WWOX: variants seen among roughly 807,000 people sequenced by gnomAD.
WWOX encodes WW domain containing oxidoreductase.
WWOX carries 69 observed loss-of-function variants against 46.2 expected under a neutral mutation model. The ratio of observed to expected loss-of-function variants is 1.49; its 90% confidence interval spans 1.23 to 1.82. The LOEUF is 1.82. Ranked by LOEUF, WWOX falls within the 40% of genes most tolerant of loss-of-function variation. WWOX has a pLI of 0.00. For synonymous variants in WWOX, 359 were observed against 202.6 expected (o/e 1.77, Z -6.56); for missense variants, 919 against 542.6 (o/e 1.69, Z -6.89).
intron 8 of WWOX, among the ~76,000 whole-genome samples, chr16:78,550,533 T>C (rs1016598284): frequency 3.3e-5 from 5 of 152,334 alleles, no homozygotes; most frequent in Middle Eastern, 3.4e-3. Context: ...TCAAAAATCA[T>C]TTTCTTTTTT....
intron 8 of WWOX, among the ~76,000 whole-genome samples, chr16:78,907,692 G>C (rs2045001950): frequency 6.6e-6 from 1 of 152,180 alleles, no homozygotes; most frequent in Non-Finnish European, 1.5e-5. Context: ...CTGCTATTTA[G>C]CAAAGACAGT....
At chr16:78,882,511 C>G (rs960692842) in intron 8 of WWOX, among the ~76,000 whole-genome samples, 4 of 149,972 alleles carry the variant, frequency 2.7e-5, no homozygotes, top group South Asian at 2.1e-4. Flanking sequence ...GGGTCTCACT[C>G]TGTCACCCAG....
intron 8 of WWOX, among the ~76,000 whole-genome samples, chr16:78,622,120 G>C (rs914165501): frequency 6.6e-6 from 1 of 152,118 alleles, no homozygotes; most frequent in Non-Finnish European, 1.5e-5. Flanking sequence ...GATAATTTTA[G>C]TAAAACCTTG....
At chr16:78,540,625 C>T (rs1038367298) in intron 8 of WWOX, among the ~76,000 whole-genome samples, 1 of 151,992 alleles carries the variant, frequency 6.6e-6, no homozygotes, top group African/African-American at 2.4e-5. Context: ...GGCTTGTTAG[C>T]TCCTACCTGA....
At chr16:78,746,141 A>G (rs2049342582) in intron 8 of WWOX, among the ~76,000 whole-genome samples, 1 of 152,192 alleles carries the variant, frequency 6.6e-6, no homozygotes, top group Non-Finnish European at 1.5e-5. Flanking sequence ...TGATATGATG[A>G]ACCATGGGTG....
At chr16:78,912,093 C>G (rs1188413385) in intron 8 of WWOX, among the ~76,000 whole-genome samples, 2 of 151,120 alleles carry the variant, frequency 1.3e-5, no homozygotes, top group African/African-American at 4.9e-5. Context: ...TTTCTTTGGA[C>G]AGGTTTTCCA....
intron 8 of WWOX, among the ~76,000 whole-genome samples, chr16:78,789,948 T>A (rs1322837639): frequency 6.6e-6 from 1 of 152,208 alleles, no homozygotes; most frequent in East Asian, 1.9e-4. Context: ...TTGGACAAGT[T>A]ACTTCACCTC....
Position 78,312,099 on chromosome 16 carries a change from C to T in WWOX, c.517-74761C>T, listed in dbSNP as rs4073182. The stretch of plus-strand genomic sequence containing the variant: ...CATGTCTCTGGTTCTTTGTCTTTTG[C>T]CTCCTCCTCTTACTTTTAAGGACCC... On this transcript the variant is annotated intron_variant, in intron 5 of 8. Transcript: ENST00000566780. Among the ~76,000 whole-genome samples, 761 of 152,230 alleles carry T rather than the reference C, an allele frequency of 5.0e-3. 11 individuals are homozygous for T. The highest frequency in any genetic ancestry group is 0.018 in the African/African-American group (729 of 41,526).
At chr16:78,131,986 T>C (rs2033613902) in intron 4 of WWOX, among the ~76,000 whole-genome samples, 1 of 151,188 alleles carries the variant, frequency 6.6e-6, no homozygotes, top group Non-Finnish European at 1.5e-5. Flanking sequence ...TCATTAAGTC[T>C]TACTACTAGT....
intron 8 of WWOX, among the ~76,000 whole-genome samples, chr16:79,032,390 T>A (rs1465143340): frequency 2.1e-5 from 3 of 144,994 alleles, no homozygotes; most frequent in Non-Finnish European, 4.5e-5. Flanking sequence ...CTATGTAATA[T>A]ATATTAATAT....
In WWOX at chr16:78,458,874, A is replaced by G. The variant is rs1355574163; in HGVS notation, c.1056+26122A>G. ...GACAGGAGACTGTGGGATGATTAGT[A>G]TATTCTTATTTGGCCTGGGAGGGAA... On this transcript the variant is annotated intron_variant, in intron 8 of 8. Transcript: ENST00000566780. 2.0e-5 allele frequency among the ~76,000 whole-genome samples: 3 copies of G among 152,132 alleles called. No homozygotes were observed. In the East Asian group the frequency reaches 5.8e-4, roughly 30 times the overall value.
intron 5 of WWOX, among the ~76,000 whole-genome samples, chr16:78,362,720 C>A (rs2081437931): frequency 2.6e-5 from 4 of 152,140 alleles, no homozygotes; most frequent in African/African-American, 7.2e-5. Flanking sequence ...CAGGAAACAG[C>A]CTCAACCTAA....
intron 8 of WWOX, among the ~76,000 whole-genome samples, chr16:78,436,252 A>T (rs1164053046): frequency 6.6e-6 from 1 of 152,174 alleles, no homozygotes; most frequent in Admixed American, 6.5e-5. Flanking sequence ...GAAAGGGAAG[A>T]GAAGGGCTTT....
intron 5 of WWOX, among the ~76,000 whole-genome samples, chr16:78,371,854 T>G (rs2081698077): frequency 6.6e-6 from 1 of 152,240 alleles, no homozygotes; most frequent in African/African-American, 2.4e-5. Flanking sequence ...TCATGTGTGT[T>G]AGGTAGGCAA....
chr16:78,107,140 T>G (rs1398799058), intron 1 of WWOX, among the ~76,000 whole-genome samples: 3 of 152,230 alleles, frequency 2.0e-5, no homozygotes, highest in Non-Finnish European at 4.4e-5. Flanking sequence ...TGTTGCTGAT[T>G]AAATAATATA....
At chr16:78,185,636 G>A (rs76822416) in intron 5 of WWOX, among the ~76,000 whole-genome samples, 4,940 of 152,062 alleles carry the variant, frequency 0.032, 261 homozygotes, top group African/African-American at 0.11. Context: ...ATAAAAAGGC[G>A]CAATTATGAA....
intron 8 of WWOX, among the ~76,000 whole-genome samples, chr16:78,992,568 G>C (rs889269050): frequency 6.6e-6 from 1 of 152,168 alleles, no homozygotes; most frequent in Non-Finnish European, 1.5e-5. Context: ...GTCTGCGTAG[G>C]TTTTTATTTT....
intron 8 of WWOX, among the ~76,000 whole-genome samples, chr16:78,467,704 G>C (rs1403527269): frequency 1.3e-5 from 2 of 152,146 alleles, no homozygotes; most frequent in Non-Finnish European, 2.9e-5. Flanking sequence ...TTTTCCCTCT[G>C]TTCAGAAGTA....
intron 8 of WWOX, among the ~76,000 whole-genome samples, chr16:78,774,568 C>CT (rs1373699872): frequency 6.6e-6 from 1 of 151,752 alleles, no homozygotes; most frequent in Non-Finnish European, 1.5e-5. Context: ...ACGTGTCCCC[C>CT]TCCCCCCCCA....
Sources: gnomAD v4.1 joint callset for allele counts (sites outside exome capture counted in the v4.1 genomes callset) on GRCh38, gnomAD v4.1.1 for gene constraint, MANE v1.5 for transcripts, NCBI Gene and HGNC (gene_info 2026-07-23, HGNC 2026-07-21) for gene names.